HS3ST1: variants seen among roughly 807,000 people sequenced by gnomAD.
The protein encoded by HS3ST1 is heparan sulfate-glucosamine 3-sulfotransferase 1.
Under a neutral mutation model 20.7 loss-of-function variants are expected in HS3ST1, and 8 were observed. The observed-to-expected ratio is 0.39, with a 90% CI of 0.23 to 0.70. The LOEUF (loss-of-function observed/expected upper bound fraction) is 0.70. Among genes scored for constraint, HS3ST1 ranks in the 30% least tolerant of loss-of-function variants. The pLI, the probability that HS3ST1 is intolerant of heterozygous loss-of-function variation, is 0.46. For missense variants in HS3ST1, 436 were observed against 423.4 expected, an observed-to-expected ratio of 1.03 and a Z score of -0.26; for synonymous variants, 205 against 190.4, an observed-to-expected ratio of 1.08 and a Z score of -0.63.
At chr4:11,400,686 C>G (rs1337127024) in intron 1 of HS3ST1, among the ~76,000 whole-genome samples, 1 of 152,170 alleles carries the variant, frequency 6.6e-6, no homozygotes, top group African/African-American at 2.4e-5. Flanking sequence ...TTCCTGCCCC[C>G]ACTCTTCCAG....
chr4:11,411,930 T>C (rs1718648934), intron 1 of HS3ST1, among the ~76,000 whole-genome samples: 1 of 151,988 alleles, frequency 6.6e-6, no homozygotes, highest in East Asian at 1.9e-4. Context: ...TCTATATGAA[T>C]TTTCCCATCT....
At chr4:11,432,166 G>A (rs1375304050), upstream of HS3ST1, among the ~76,000 whole-genome samples, 8 of 152,136 alleles carry the variant, frequency 5.3e-5, no homozygotes, top group African/African-American at 1.9e-4. Context: ...AGGAAAAGGG[G>A]AGAGAGAGAA....
chr4:11,418,026 C>G (rs537495027), intron 1 of HS3ST1, among the ~76,000 whole-genome samples: 96 of 152,270 alleles, frequency 6.3e-4, no homozygotes, highest in African/African-American at 2.2e-3. Context: ...TAGTTTTTGG[C>G]CAAGAGGACA....
intron 1 of HS3ST1, among the ~76,000 whole-genome samples, chr4:11,426,811 T>G (rs925854939): frequency 3.3e-5 from 5 of 152,250 alleles, no homozygotes; most frequent in African/African-American, 1.2e-4. Flanking sequence ...TTTCTCTGCT[T>G]AGCGCTGGAG....
At chr4:11,409,674 G>T (rs34551111) in intron 1 of HS3ST1, among the ~76,000 whole-genome samples, 51 of 152,338 alleles carry the variant, frequency 3.3e-4, no homozygotes, top group Admixed American at 6.5e-4. Flanking sequence ...CCATTGCAAG[G>T]TATTTGATGA....
At chr4:11,417,930 C>T (rs533245432) in intron 1 of HS3ST1, among the ~76,000 whole-genome samples, 3 of 152,300 alleles carry the variant, frequency 2.0e-5, no homozygotes, top group South Asian at 4.1e-4. Context: ...TTACCATATT[C>T]GATTCATTTT....
intron 1 of HS3ST1, among the ~76,000 whole-genome samples, chr4:11,424,847 G>A (rs1465389280): frequency 9.1e-6 from 1 of 110,352 alleles, no homozygotes; most frequent in African/African-American, 3.5e-5. Context: ...AGGAGAAAGA[G>A]GCCCATCTCC....
At chr4:11,410,730 A>G (rs1423963709) in intron 1 of HS3ST1, among the ~76,000 whole-genome samples, 3 of 152,076 alleles carry the variant, frequency 2.0e-5, no homozygotes, top group African/African-American at 7.2e-5. Context: ...TGTCTCTACT[A>G]AAAATACAAA....
rs1043000132 is a variant in HS3ST1, at chr4:11,398,483, A to G, written c.*599T>C. ...CTAGCCAGTCACTAACTGCTTCTCC[A>G]TCCTGAATATTGCTTTGTTTACTTG... On this transcript the variant is annotated 3_prime_UTR_variant, in exon 2 of 2. Transcript: ENST00000002596. The G allele has an allele frequency of 6.6e-6, 1 of 152,278 alleles. No homozygotes were observed. The highest frequency in any genetic ancestry group is 2.4e-5 in the African/African-American group (1 of 41,454). The allele number at this position is 152,278 out of a possible 1,614,324, so 9.4% of individuals were successfully genotyped here.
intron 1 of HS3ST1, among the ~76,000 whole-genome samples, chr4:11,402,250 G>A (rs1287929992): frequency 1.3e-5 from 2 of 152,142 alleles, no homozygotes; most frequent in African/African-American, 4.8e-5. Flanking sequence ...TAGATGGAAG[G>A]TTTTAGAGAA....
At chr4:11,417,794 G>T (rs2108888100) in intron 1 of HS3ST1, among the ~76,000 whole-genome samples, 1 of 152,318 alleles carries the variant, frequency 6.6e-6, no homozygotes, top group African/African-American at 2.4e-5. Context: ...AAAGATATCA[G>T]ATTTGTATTT....
chr4:11,427,950 C>G (rs1719103649), intron 1 of HS3ST1, among the ~76,000 whole-genome samples: 1 of 152,182 alleles, frequency 6.6e-6, no homozygotes, highest in Non-Finnish European at 1.5e-5. Flanking sequence ...TCAAGCTCCG[C>G]GAATAAGACC....
In HS3ST1 at chr4:11,399,122, T is replaced by A; in HGVS notation, c.884A>T (p.Lys295Met). The change falls in exon 2 of 2, where the codon AAG becomes ATG. Residue 295 changes from lysine (K) to methionine (M), a missense_variant. Coordinates refer to ENST00000002596, the MANE Select transcript of HS3ST1 (RefSeq NM_005114.4). The surrounding 1 kb of genome is among the most constrained non-coding windows in gnomAD (Gnocchi z 5.1). ...TGTTCTGCCAACAAGCTCGAAGAAC[T>A]TCTTATTTGGCTCATGAAAATATTC... Reference protein sequence around the residue: ...LHEYFHEPNKKFFELVGRTFD... With the variant: ...LHEYFHEPNKMFFELVGRTFD... 6.2e-7 allele frequency: 1 copy of A among 1,613,852 alleles called. No homozygotes were observed. Among genetic ancestry groups the A allele is most frequent in the East Asian group, 2.2e-5 (1 of 44,876 alleles).
At chr4:11,420,567 T>C (rs1560236908) in intron 1 of HS3ST1, among the ~76,000 whole-genome samples, 1 of 152,210 alleles carries the variant, frequency 6.6e-6, no homozygotes, top group African/African-American at 2.4e-5. Flanking sequence ...TAGTATTTAA[T>C]AAGGTTCTAT....
intron 1 of HS3ST1, among the ~76,000 whole-genome samples, chr4:11,405,484 T>C (rs902597475): frequency 6.6e-6 from 1 of 152,000 alleles, no homozygotes; most frequent in Non-Finnish European, 1.5e-5. Context: ...CAAATGGAGG[T>C]CTTGCCTTGC....
rs1206172348 is a variant in HS3ST1, at chr4:11,402,064, CTCA to C, written c.-108-1954_-108-1952del. On this transcript the variant is annotated intron_variant, in intron 1 of 1. Coordinates refer to ENST00000002596, the MANE Select transcript of HS3ST1 (RefSeq NM_005114.4). The stretch of plus-strand genomic sequence containing the variant: ...GTAAAAATATTCTCCATCAAGAGGA[CTCA>C]TCATCTTTTGTACGGTAGTTTCAAA... Among the ~76,000 whole-genome samples, 3 of 152,208 alleles carry C rather than the reference CTCA, an allele frequency of 2.0e-5. No individual in the cohort carries two copies. In the East Asian group the frequency reaches 5.8e-4, roughly 29 times the overall value.
chr4:11,431,093 A>G (rs1368587128), upstream of HS3ST1, among the ~76,000 whole-genome samples: 1 of 152,218 alleles, frequency 6.6e-6, no homozygotes, highest in Non-Finnish European at 1.5e-5. Context: ...TTATTGAAAC[A>G]TCTATTTAGG....
chr4:11,425,041 G>GA (rs1719027640), intron 1 of HS3ST1, among the ~76,000 whole-genome samples: 1 of 152,154 alleles, frequency 6.6e-6, no homozygotes, highest in African/African-American at 2.4e-5. Context: ...TGTACCTTTA[G>GA]AAAATTAATT....
intron 1 of HS3ST1, among the ~76,000 whole-genome samples, chr4:11,414,702 C>A (rs1046016068): frequency 6.6e-6 from 1 of 152,170 alleles, no homozygotes; most frequent in Non-Finnish European, 1.5e-5. Context: ...AGAACAGTAG[C>A]TCATGTTAAA....
Sources: allele counts gnomAD v4.1 joint callset (sites outside exome capture counted in the v4.1 genomes callset), GRCh38; gene constraint gnomAD v4.1.1; non-coding constraint Gnocchi (gnomAD v3.1); transcripts MANE v1.5; gene names NCBI Gene and HGNC (gene_info 2026-07-23, HGNC 2026-07-21).